The following WWOX variants were observed in gnomAD, a reference collection of about 807,000 sequenced individuals.
The protein encoded by WWOX is WW domain-containing oxidoreductase.
A neutral mutation model predicts 46.2 loss-of-function variants in WWOX; 69 were observed. The observed-to-expected ratio is 1.49, with a 90% CI of 1.23 to 1.82. WWOX has a LOEUF of 1.82. Among genes scored for constraint, WWOX ranks in the 40% most tolerant of loss-of-function variants. The pLI is 0.00. For synonymous variants in WWOX, 359 were observed against 202.6 expected (o/e 1.77, Z -6.56); for missense variants, 919 against 542.6 (o/e 1.69, Z -6.89).
At chr16:78,723,488 C>G (rs896691085) in intron 8 of WWOX, among the ~76,000 whole-genome samples, 2 of 152,166 alleles carry the variant, frequency 1.3e-5, no homozygotes, top group African/African-American at 2.4e-5. Context: ...GCATGTTTCT[C>G]TCTTTCCAGC....
intron 8 of WWOX, among the ~76,000 whole-genome samples, chr16:78,876,470 C>CT (rs5818185): frequency 0.027 from 3,424 of 124,934 alleles, 98 homozygotes; most frequent in Admixed American, 0.1. Flanking sequence ...CTTGACTCTT[C>CT]TTTTTTTTTT....
intron 5 of WWOX, among the ~76,000 whole-genome samples, chr16:78,283,273 T>C (rs1011518200): frequency 2.0e-5 from 3 of 152,018 alleles, no homozygotes; most frequent in African/African-American, 7.2e-5. Context: ...ACACAGAAAT[T>C]CTCTGCTGTG....
chr16:78,646,320 C>G lies in WWOX; in HGVS notation c.1056+213568C>G, dbSNP rs145664748. Among the ~76,000 whole-genome samples, 37 of 152,240 alleles carry G rather than the reference C, an allele frequency of 2.4e-4. No individual in the cohort carries two copies. In the East Asian group the frequency reaches 7.0e-3, roughly 29 times the overall value. The stretch of plus-strand genomic sequence containing the variant: ...TGAGCCAGTACACTTGGCCTTTTGG[C>G]ACCATTATTCTGCCTGCCATCCTGT... On this transcript the variant is annotated intron_variant, in intron 8 of 8. Coordinates refer to ENST00000566780, the MANE Select transcript of WWOX (RefSeq NM_016373.4).
chr16:78,285,276 A>C (rs2079748277), intron 5 of WWOX, among the ~76,000 whole-genome samples: 1 of 152,030 alleles, frequency 6.6e-6, no homozygotes, highest in Non-Finnish European at 1.5e-5. Flanking sequence ...CTACTAAAAA[A>C]AGAGAAAACA....
At chr16:78,506,136 T>C (rs1419793359) in intron 8 of WWOX, among the ~76,000 whole-genome samples, 2 of 152,172 alleles carry the variant, frequency 1.3e-5, no homozygotes, top group Non-Finnish European at 2.9e-5. Context: ...TTCGAGTTTT[T>C]TGGGTAGTGA....
rs186034603 is a variant in WWOX at position 78,468,021 on chromosome 16, G to A, written c.1056+35269G>A. ...GTTCCACTGGTATATTTTCTTTACT[G>A]TTTAAGAAAGCTCAAAATTCTCTCT... is the stretch of plus-strand genomic sequence containing the variant. On this transcript the variant is annotated intron_variant, in intron 8 of 8. Transcript: ENST00000566780. 8.2e-3 allele frequency among the ~76,000 whole-genome samples: 1,244 copies of A among 152,196 alleles called. 16 individuals are homozygous for A. Among genetic ancestry groups the A allele is most frequent in the Non-Finnish European group, 8.9e-3 (606 of 67,998 alleles).
rs191773632 is a variant in WWOX, at chr16:79,207,216, T to G, written c.1057-4392T>G. On this transcript the variant is annotated intron_variant, in intron 8 of 8. Coordinates refer to ENST00000566780, the MANE Select transcript of WWOX (RefSeq NM_016373.4). ...TGATAAATGATTCTGTTCCTAGTGG[T>G]GTATTCACAGAGTCAATGGATAAGG... Among the ~76,000 whole-genome samples the G allele has an allele frequency of 1.0e-3, 155 of 152,354 alleles. 1 individual carries two copies. The highest frequency in any genetic ancestry group is 3.6e-3 in the African/African-American group (151 of 41,586).
intron 5 of WWOX, among the ~76,000 whole-genome samples, chr16:78,380,984 G>GC (rs145801094): frequency 0.015 from 2,271 of 152,206 alleles, 63 homozygotes; most frequent in African/African-American, 0.053. Flanking sequence ...ACCATAGAAG[G>GC]CAATACTATT....
intron 8 of WWOX, among the ~76,000 whole-genome samples, chr16:79,107,785 G>A (rs1472052973): frequency 6.6e-6 from 1 of 152,172 alleles, no homozygotes; most frequent in African/African-American, 2.4e-5. Flanking sequence ...GAAAGTTTAT[G>A]TATCAGGTAA....
intron 8 of WWOX, among the ~76,000 whole-genome samples, chr16:78,761,088 A>G (rs558068890): frequency 3.9e-5 from 6 of 152,228 alleles, no homozygotes; most frequent in African/African-American, 1.4e-4. Flanking sequence ...CTACAATTCA[A>G]GATGCGATTT....
At chr16:78,230,779 G>GT (rs1187653789) in intron 5 of WWOX, among the ~76,000 whole-genome samples, 1 of 152,244 alleles carries the variant, frequency 6.6e-6, no homozygotes, top group Non-Finnish European at 1.5e-5. Flanking sequence ...GCAGCTAGGA[G>GT]TATAGACTAG....
At chr16:78,967,632 C>G (rs1422917044) in intron 8 of WWOX, among the ~76,000 whole-genome samples, 1 of 151,830 alleles carries the variant, frequency 6.6e-6, no homozygotes, top group Non-Finnish European at 1.5e-5. Context: ...TAAAGAAATA[C>G]AGGAAACAGC....
intron 4 of WWOX, among the ~76,000 whole-genome samples, chr16:78,133,895 A>G (rs995911802): frequency 6.6e-6 from 1 of 152,250 alleles, no homozygotes; most frequent in African/African-American, 2.4e-5. Context: ...GAGTTGTCAC[A>G]TTTAGAAATA....
chr16:78,119,009 T>G (rs2032957551), intron 4 of WWOX: 1 of 152,208 alleles, frequency 6.6e-6, no homozygotes, highest in Non-Finnish European at 1.5e-5. Flanking sequence ...TGGACCTCTC[T>G]CTGTGGAGAT....
At chr16:78,449,309 C>T (rs1002093194) in intron 8 of WWOX, among the ~76,000 whole-genome samples, 1 of 152,124 alleles carries the variant, frequency 6.6e-6, no homozygotes, top group Admixed American at 6.6e-5. Context: ...ACGGAAGTGA[C>T]GTCTTACTGC....
chr16:78,559,761 G>T (rs1248630710), intron 8 of WWOX, among the ~76,000 whole-genome samples: 5 of 152,022 alleles, frequency 3.3e-5, no homozygotes, highest in African/African-American at 9.7e-5. Context: ...GACTTTAATC[G>T]TGTGAATGTA....
chr16:78,422,756 T>TACACAC (rs1326792750), intron 6 of WWOX, among the ~76,000 whole-genome samples: 4 of 103,996 alleles, frequency 3.8e-5, no homozygotes, highest in African/African-American at 2.7e-4. Flanking sequence ...TACACATATA[T>TACACAC]ACACATATAT....
intron 8 of WWOX, among the ~76,000 whole-genome samples, chr16:79,121,753 T>C (rs757541751): frequency 6.6e-6 from 1 of 152,156 alleles, no homozygotes; most frequent in Non-Finnish European, 1.5e-5. Flanking sequence ...TAGATTCAAT[T>C]GGGAAAACTA....
chr16:79,166,314 CT>C (rs1398545581), intron 8 of WWOX, among the ~76,000 whole-genome samples: 1 of 152,236 alleles, frequency 6.6e-6, no homozygotes, highest in Admixed American at 6.5e-5. Flanking sequence ...CTTAATTTCT[CT>C]GACACAGGAG....
Sources: gnomAD v4.1 joint callset for allele counts (sites outside exome capture counted in the v4.1 genomes callset) on GRCh38, gnomAD v4.1.1 for gene constraint, MANE v1.5 for transcripts, NCBI Gene and HGNC (gene_info 2026-07-23, HGNC 2026-07-21) for gene names.